Variants in ZFP91 observed in about 807,000 individuals in gnomAD.
ZFP91 encodes the protein ZFP91 zinc finger protein, atypical E3 ubiquitin ligase.
A neutral mutation model predicts 63.5 loss-of-function variants in ZFP91; 7 were observed. The observed-to-expected ratio is 0.11, with a 90% CI of 0.06 to 0.21. ZFP91 has a LOEUF of 0.21. Among genes scored for constraint, ZFP91 ranks in the 10% least tolerant of loss-of-function variants. ZFP91 has a pLI of 1.00. For synonymous variants in ZFP91, 330 were observed against 272.1 expected (o/e 1.21, Z -2.10); for missense variants, 628 against 736.6 (o/e 0.85, Z 1.71).
intron 2 of ZFP91, among the ~76,000 whole-genome samples, chr11:58,598,365 C>A (rs527242517): frequency 7.9e-5 from 12 of 152,112 alleles, no homozygotes; most frequent in African/African-American, 2.9e-4. Flanking sequence ...CAAGTTTTTT[C>A]AAATTGTCAC....
intron 1 of ZFP91, among the ~76,000 whole-genome samples, chr11:58,582,247 G>A (rs76950812): frequency 6.6e-6 from 1 of 152,214 alleles, no homozygotes; most frequent in East Asian, 1.9e-4. Context: ...CAGATTTTCA[G>A]TCATAAAATA....
intron 4 of ZFP91, 36 bp from the exon 5 acceptor site, chr11:58,610,914 A>G: frequency 6.3e-7 from 1 of 1,592,942 alleles, no homozygotes; most frequent in Non-Finnish European, 8.6e-7. Context: ...TGTTCGCTAC[A>G]ACCAGAATGT....
chr11:58,617,157 C>T lies in ZFP91; in HGVS notation c.1203-39C>T. 1.3e-6 allele frequency: 2 copies of T among 1,530,270 alleles called. No individual in the cohort carries two copies. Among genetic ancestry groups the T allele is most frequent in the African/African-American group, 1.4e-5 (1 of 72,106 alleles). 94.8% of individuals were successfully genotyped at this position (1,530,270 alleles called of 1,614,324 possible). A position where few individuals can be genotyped will look rare whatever the true frequency, so the allele number is the denominator to read the frequency against. ...TCCTGAATAAGAGCACTCTTTATTT[C>T]TCTGTTGGATCAGCCATTTCCTTTT... On this transcript the variant is annotated intron_variant, in intron 10 of 10. Transcript: ENST00000316059. The surrounding 1 kb of genome is among the most constrained non-coding windows in gnomAD (Gnocchi z 4.2).
At chr11:58,592,079 CTT>C (rs34964779) in intron 2 of ZFP91, among the ~76,000 whole-genome samples, 26 of 108,402 alleles carry the variant, frequency 2.4e-4, no homozygotes, top group Admixed American at 4.8e-4. Context: ...CTGAGCACAT[CTT>C]TTTTTTTTTT....
At chr11:58,613,361 G>GTAGA (rs1435629525) in intron 8 of ZFP91, among the ~76,000 whole-genome samples, 3 of 152,066 alleles carry the variant, frequency 2.0e-5, no homozygotes, top group Non-Finnish European at 4.4e-5. Flanking sequence ...TTATATAAGG[G>GTAGA]TAGAGCCTTT....
At chr11:58,593,443 C>T (rs1398750956) in intron 2 of ZFP91, among the ~76,000 whole-genome samples, 1 of 152,080 alleles carries the variant, frequency 6.6e-6, no homozygotes, top group African/African-American at 2.4e-5. Flanking sequence ...TTTCATGCCC[C>T]AGAAAAAGTG....
Position 58,587,454 on chromosome 11 carries a change from A to T in ZFP91, c.370+2570A>T, listed in dbSNP as rs11229539. ...CATTTGAGATTACACCTGAATATGC[A>T]GATAGTTAATTTGGACAAGGAACAT... On this transcript the variant is annotated intron_variant, in intron 2 of 10. Coordinates refer to ENST00000316059, the MANE Select transcript of ZFP91 (RefSeq NM_053023.5). 9.5e-3 allele frequency among the ~76,000 whole-genome samples: 1,440 copies of T among 152,298 alleles called. 30 individuals carry two copies. The highest frequency in any genetic ancestry group is 0.033 in the African/African-American group (1,378 of 41,562).
Position 58,579,224 on chromosome 11 carries a change from G to GGCCGCCGCCTCCGCC in ZFP91, c.-57_-43dup. On this transcript the variant is annotated 5_prime_UTR_variant, in exon 1 of 11. Coordinates refer to ENST00000316059, the MANE Select transcript of ZFP91 (RefSeq NM_053023.5). ...GAGGGGGCGGGGGGAGCAGCGCCGA[G>GGCCGCCGCCTCCGCC]GCCGCCGCCTCCGCCTCCGCCGCCT... The GGCCGCCGCCTCCGCC allele has an allele frequency of 7.5e-7, 1 of 1,339,984 alleles. No individual in the cohort carries two copies. The highest frequency in any genetic ancestry group is 9.6e-7 in the Non-Finnish European group (1 of 1,045,222). The allele number at this position is 1,339,984 out of a possible 1,614,324, so 83.0% of individuals were successfully genotyped here.
chr11:58,609,858 C>T lies in ZFP91; in HGVS notation c.399C>T (p.Asp133=), dbSNP rs774839468. The T allele has an allele frequency of 3.4e-5, 55 of 1,614,024 alleles. No individual in the cohort carries two copies. The highest frequency in any genetic ancestry group is 1.1e-4 in the East Asian group (5 of 44,892). ...KDPKEEKEEE[D]DSALPQEVSI... ...CCAAGGAAGAAAAAGAGGAAGAAGA[C>T]GATTCTGCCCTCCCTCAGGAAGTTT... Residue 133 remains aspartate (D), a synonymous_variant, in exon 3 of 11, where the codon GAC becomes GAT. Coordinates refer to ENST00000316059, the MANE Select transcript of ZFP91 (RefSeq NM_053023.5).
At chr11:58,582,552 AATAG>A (rs1335228288) in intron 1 of ZFP91, among the ~76,000 whole-genome samples, 8 of 152,220 alleles carry the variant, frequency 5.3e-5, no homozygotes, top group African/African-American at 1.2e-4. Context: ...AAGGTCAAGA[AATAG>A]ATAGATTTGG....
intron 5 of ZFP91, 69 bp from the exon 6 acceptor site, chr11:58,611,535 T>G (rs1855662370): frequency 2.6e-6 from 4 of 1,545,264 alleles, no homozygotes; most frequent in South Asian, 2.5e-5. Flanking sequence ...ACTCTAAGCT[T>G]TAATTTGTTG....
intron 7 of ZFP91, 106 bp downstream of exon 7, chr11:58,612,434 T>A: frequency 8.3e-7 from 1 of 1,208,014 alleles, no homozygotes; most frequent in Non-Finnish European, 1.2e-6. Flanking sequence ...TATTTAAAAA[T>A]TTCACAAAAG....
chr11:58,612,402 A>C (rs779827248), intron 7 of ZFP91, 74 bp downstream of exon 7: 20 of 1,469,290 alleles, frequency 1.4e-5, no homozygotes, highest in Non-Finnish European at 1.9e-5. Flanking sequence ...TTTAGACTTC[A>C]TGATAATCCT....
intron 9 of ZFP91, 86 bp downstream of exon 9, chr11:58,614,429 A>G: frequency 1.0e-6 from 1 of 976,572 alleles, no homozygotes; most frequent in South Asian, 2.1e-5. Context: ...TTCTAACATA[A>G]GTCTTAAAAG....
intron 4 of ZFP91, 128 bp from the exon 5 acceptor site, chr11:58,610,822 G>A: frequency 1.4e-6 from 1 of 692,578 alleles, no homozygotes. Context: ...GTCCAATTAG[G>A]TCATTAGGAT....
intron 8 of ZFP91, 106 bp downstream of exon 8, chr11:58,612,946 G>A (rs1216819280): frequency 5.4e-6 from 5 of 926,432 alleles, no homozygotes; most frequent in Non-Finnish European, 8.2e-6. Context: ...TCATTGACAT[G>A]TAATGTCAAG....
Position 58,619,730 on chromosome 11 carries a change from A to G in ZFP91, c.*2024A>G, listed in dbSNP as rs1400921177. The stretch of plus-strand genomic sequence containing the variant: ...TGCCATTTCTCCATAATATGGGGAT[A>G]GAAAATGGAATAAAGATAGAAGGGA... On this transcript the variant is annotated 3_prime_UTR_variant, in exon 11 of 11. Transcript: ENST00000316059. The G allele has an allele frequency of 6.6e-6, 1 of 152,632 alleles. No individual in the cohort carries two copies. Among genetic ancestry groups the G allele is most frequent in the Non-Finnish European group, 1.5e-5 (1 of 68,034 alleles). 9.5% of individuals were successfully genotyped at this position (152,632 alleles called of 1,614,324 possible). A position where few individuals can be genotyped will look rare whatever the true frequency, so the allele number is the denominator to read the frequency against.
intron 2 of ZFP91, among the ~76,000 whole-genome samples, chr11:58,605,172 A>G (rs1000281474): frequency 2.6e-5 from 4 of 152,176 alleles, no homozygotes; most frequent in Non-Finnish European, 1.5e-5. Flanking sequence ...GTTTAGCTTC[A>G]GTAGTAAACA....
chr11:58,594,362 G>A (rs1280567077), intron 2 of ZFP91, among the ~76,000 whole-genome samples: 1 of 152,160 alleles, frequency 6.6e-6, no homozygotes, highest in Non-Finnish European at 1.5e-5. Flanking sequence ...AAACTTAAAT[G>A]TTGAGCTAAT....
Sources: allele counts gnomAD v4.1 joint callset (sites outside exome capture counted in the v4.1 genomes callset), GRCh38; gene constraint gnomAD v4.1.1; non-coding constraint Gnocchi (gnomAD v3.1); transcripts MANE v1.5; gene names NCBI Gene and HGNC (gene_info 2026-07-23, HGNC 2026-07-21).